The following SEC16A variants were observed in gnomAD, a reference collection of about 807,000 sequenced individuals.
The protein encoded by SEC16A is SEC16 homolog A, endoplasmic reticulum export factor.
A neutral mutation model predicts 221.9 loss-of-function variants in SEC16A; 110 were observed. The ratio of observed to expected loss-of-function variants is 0.50; its 90% CI spans 0.42 to 0.58. The LOEUF (loss-of-function observed/expected upper bound fraction) is 0.58. Ranked by LOEUF, SEC16A falls within the 20% of genes least tolerant of loss-of-function variation. The pLI, the probability that SEC16A is intolerant of heterozygous loss-of-function variation, is 0.00. For synonymous variants in SEC16A, 1,393 were observed against 1,257.7 expected, an observed-to-expected ratio of 1.11 and a Z score of -2.28; for missense variants, 3,165 against 3,097.8, an observed-to-expected ratio of 1.02 and a Z score of -0.52.
intron 31 of SEC16A, 106 bp downstream of exon 31, chr9:136,443,717 G>T: frequency 2.7e-6 from 2 of 747,858 alleles, no homozygotes; most frequent in East Asian, 2.8e-5. Context: ...TTTTTAAAAA[G>T]AAAGAAAAAG....
chr9:136,463,083 G>T lies in SEC16A; in HGVS notation c.4697C>A (p.Thr1566Lys). ...GGGCGACTTCCCAGGAAGCCACACT[G>T]TTCTGTGGTCTCGTAACAGAAGCTC... ...IAELLLRDHR[T>K]VWLPGKSPNE... The change falls in exon 12 of 32, where the codon ACA becomes AAA. Residue 1566 changes from threonine (T) to lysine (K), a missense_variant. Transcript: ENST00000684901. 6.2e-7 allele frequency: 1 copy of T among 1,612,400 alleles called. No homozygotes were observed.
chr9:136,463,817 G>C, intron 9 of SEC16A, 77 bp from the exon 10 acceptor site: 1 of 1,509,896 alleles, frequency 6.6e-7, no homozygotes, highest in Non-Finnish European at 9.2e-7. Flanking sequence ...CCCAGGCACG[G>C]ATGCTGCCCG....
chr9:136,465,922 TG>T, intron 8 of SEC16A, 39 bp downstream of exon 8: 1 of 1,576,612 alleles, frequency 6.3e-7, no homozygotes. Context: ...GCCGCCCCAG[TG>T]GGGTTAGCCG....
intron 8 of SEC16A, 129 bp downstream of exon 8, chr9:136,465,833 G>A (rs749994779): frequency 2.5e-5 from 24 of 956,832 alleles, no homozygotes; most frequent in African/African-American, 1.3e-4. Context: ...TCGGAAGGAC[G>A]GATTGGGTCA....
At position 136,474,201 on chromosome 9, in the gene SEC16A, GCTGCTCTGA is replaced by G; in HGVS notation, c.3406_3414del (p.Ser1136_Gln1138del). ...AGTGCAGGCACTGGCTGTGGCCACG[GCTGCTCTGA>G]CGGCACAGCTGCCTGGCCGGAGCCA... On this transcript the variant is annotated inframe_deletion, in exon 3 of 32. Transcript: ENST00000684901. The G allele has an allele frequency of 6.2e-7, 1 of 1,611,816 alleles. No individual in the cohort carries two copies.
intron 28 of SEC16A, among the ~76,000 whole-genome samples, chr9:136,446,390 T>G (rs1052015039): frequency 6.6e-6 from 1 of 151,768 alleles, no homozygotes; most frequent in Non-Finnish European, 1.5e-5. Context: ...ATTACAGGCA[T>G]CATCCACCAC....
rs763490212 is a variant in SEC16A, at chr9:136,462,933, C to G, written c.4847G>C (p.Arg1616Thr). 3 of 1,604,374 alleles carry G rather than the reference C, an allele frequency of 1.9e-6. No individual in the cohort carries two copies. In the African/African-American group the frequency reaches 4.0e-5, roughly 21 times the overall value. ...GPAAAASSLE[R>T]ETERFRELLL... ...CAGCTCCCTGAACCTCTCGGTCTCT[C>G]TCTCGAGCGAGCTGGCGGCAGCCGC... is the stretch of plus-strand genomic sequence containing the variant. The change falls in exon 12 of 32, where the codon AGA becomes ACA. Residue 1616 changes from arginine (R) to threonine (T), a missense_variant. This residue lies in a region of SEC16A where 1,088 missense variants were observed against 1,089.6 expected (regional missense o/e 1.00). Transcript: ENST00000684901.
In SEC16A at chr9:136,475,590, G is replaced by A. The variant is rs372499284; in HGVS notation, c.2026C>T (p.Pro676Ser). 23 of 1,613,490 alleles carry A rather than the reference G, an allele frequency of 1.4e-5. No homozygotes were observed. Among genetic ancestry groups the A allele is most frequent in the South Asian group, 1.1e-4 (10 of 91,028 alleles). The change falls in exon 3 of 32, where the codon CCC (proline) becomes TCC (serine). Residue 676 changes from proline to serine, a missense_variant. Pro to Ser is a moderately conservative substitution (Grantham distance 74, BLOSUM62 -1). Coordinates refer to ENST00000684901, the MANE Select transcript of SEC16A (RefSeq NM_014866.2). The surrounding 1 kb of genome is among the most constrained non-coding windows in gnomAD (Gnocchi z 5.0). ...TCCGTGGTGGAGTTAAGAGGCAGGGGACAGACCTGGGGTGCACAGAGGGTC... is the reference window on the plus strand; with the variant it reads ...TCCGTGGTGGAGTTAAGAGGCAGGGAACAGACCTGGGGTGCACAGAGGGTC... ...METLCAPQVC[P>S]LPLNSTTEAV...
intron 21 of SEC16A, 38 bp downstream of exon 21, chr9:136,454,071 C>T (rs1411113524): frequency 1.3e-6 from 2 of 1,514,964 alleles, no homozygotes; most frequent in Non-Finnish European, 1.8e-6. Context: ...ACACCCCATG[C>T]TGCTTCTGCT....
intron 1 of SEC16A, among the ~76,000 whole-genome samples, chr9:136,482,587 G>A (rs1439000683): frequency 6.6e-6 from 1 of 152,242 alleles, no homozygotes; most frequent in Non-Finnish European, 1.5e-5. Flanking sequence ...AAGCCTTCTA[G>A]CCGGTGAGGA....
chr9:136,458,149 T>C (rs1339346347), intron 17 of SEC16A, among the ~76,000 whole-genome samples: 1 of 133,964 alleles, frequency 7.5e-6, no homozygotes. Flanking sequence ...TTTTTTTTTT[T>C]GTAGAGACAG....
chr9:136,461,677 C>A (rs1223023722), intron 12 of SEC16A, among the ~76,000 whole-genome samples: 1 of 152,192 alleles, frequency 6.6e-6, no homozygotes, highest in Non-Finnish European at 1.5e-5. Context: ...AAGGCAGCCT[C>A]CCCTTTCACC....
At chr9:136,473,890 C>G (rs73670286) in intron 3 of SEC16A, among the ~76,000 whole-genome samples, 159 bp downstream of exon 3, 1,565 of 152,346 alleles carry the variant, frequency 0.01, 22 homozygotes, top group African/African-American at 0.035. Flanking sequence ...GAGCCCTGTC[C>G]TCAGGAAGCG....
At chr9:136,456,320 A>G (rs1341302266) in intron 18 of SEC16A, among the ~76,000 whole-genome samples, 154 bp from the exon 19 acceptor site, 3 of 152,252 alleles carry the variant, frequency 2.0e-5, no homozygotes, top group Non-Finnish European at 4.4e-5. Flanking sequence ...GGTGACATAC[A>G]CAGCACATGG....
intron 17 of SEC16A, among the ~76,000 whole-genome samples, chr9:136,458,572 G>A (rs1319384392): frequency 4.0e-5 from 6 of 150,900 alleles, no homozygotes; most frequent in Non-Finnish European, 7.4e-5. Context: ...AGCTTGCAGT[G>A]AGCGGAGATC....
intron 3 of SEC16A, 99 bp downstream of exon 3, chr9:136,473,950 C>T (rs1841252614): frequency 7.5e-7 from 1 of 1,341,238 alleles, no homozygotes; most frequent in African/African-American, 1.5e-5. Context: ...GACCCCGGAA[C>T]CAAGCGAACA....
Position 136,463,127 on chromosome 9 carries a change from C to T in SEC16A, c.4653G>A (p.Val1551=), listed in dbSNP as rs1352984550. The change falls in exon 12 of 32, where the codon GTG becomes GTA. Residue 1551 remains valine, a synonymous_variant. Coordinates refer to ENST00000684901, the MANE Select transcript of SEC16A (RefSeq NM_014866.2). ...GAAGCTCCGCAATGTCGGTCCCTAC[C>T]ACGGTCTGTTTGGGTCAACAGGAAC... is the stretch of plus-strand genomic sequence containing the variant. ...IVLLCRQNGT[V]VGTDIAELLL... The T allele has an allele frequency of 6.2e-7, 1 of 1,609,508 alleles. No individual in the cohort carries two copies. The highest frequency in any genetic ancestry group is 1.7e-5 in the Admixed American group (1 of 60,030).
intron 1 of SEC16A, among the ~76,000 whole-genome samples, chr9:136,479,603 C>T (rs1589025138): frequency 1.3e-5 from 2 of 152,156 alleles, no homozygotes; most frequent in African/African-American, 2.4e-5. Flanking sequence ...CCACCCGCCT[C>T]GGCCTCCCAA....
upstream of SEC16A, chr9:136,483,940 GC>G: frequency 3.4e-6 from 1 of 297,044 alleles, no homozygotes; most frequent in Non-Finnish European, 5.0e-6. Context: ...CCAGTCCCTG[GC>G]CAGCGTCCTG....
Sources: allele counts gnomAD v4.1 joint callset (sites outside exome capture counted in the v4.1 genomes callset), GRCh38; gene constraint gnomAD v4.1.1; regional missense constraint gnomAD v4.1.1; non-coding constraint Gnocchi (gnomAD v3.1); transcripts MANE v1.5; gene names NCBI Gene and HGNC (gene_info 2026-07-23, HGNC 2026-07-21).